NBAS: variants seen among roughly 807,000 people sequenced by gnomAD.
NBAS encodes NBAS subunit of NRZ tethering complex.
Under a neutral mutation model 302.5 loss-of-function variants are expected in NBAS, and 219 were observed. The ratio of observed to expected loss-of-function variants is 0.72; its 90% CI spans 0.65 to 0.81. NBAS has a LOEUF of 0.81. Among genes scored for constraint, NBAS ranks in the 30% least tolerant of loss-of-function variants. The pLI is 0.00. For synonymous variants in NBAS, 1,118 were observed against 1,021.6 expected, an observed-to-expected ratio of 1.09 and a Z score of -1.80; for missense variants, 2,932 against 2,841.6, an observed-to-expected ratio of 1.03 and a Z score of -0.72.
chr2:14,969,530 C>T, the NBAS span, among the ~76,000 whole-genome samples: 3 of 151,554 alleles, frequency 2.0e-5, no homozygotes. Context: ...GCACACACCA[C>T]CATACGCGGC....
In NBAS at chr2:15,366,630, T is replaced by C. The variant is rs569981088; in HGVS notation, c.3767A>G (p.Tyr1256Cys). The change falls in exon 32 of 52, where the codon TAT (tyrosine) becomes TGT (cysteine). Residue 1256 changes from tyrosine to cysteine, a missense_variant. Physicochemically the swap from Tyr to Cys is radical, Grantham distance 194. Transcript: ENST00000281513. ...GCCCAGAAGCTTGGTGGATTGTTTA[T>C]AGCATGTGGGGGACTGGGAAATACA... ...KECISQSPTCYKQSTKLLGLA... is the reference protein window; with the variant it reads ...KECISQSPTCCKQSTKLLGLA... 1.4e-5 allele frequency: 23 copies of C among 1,614,104 alleles called. No homozygotes were observed. Among genetic ancestry groups the C allele is most frequent in the East Asian group, 2.2e-5 (1 of 44,860 alleles).
intron 35 of NBAS, among the ~76,000 whole-genome samples, chr2:15,349,796 ATAAAT>A (rs1345939310): frequency 1.3e-5 from 2 of 152,334 alleles, no homozygotes; most frequent in Non-Finnish European, 2.9e-5. Flanking sequence ...TCAAAAATAA[ATAAAT>A]TAATTAAATA....
chr2:15,352,836 A>AG (rs1199971775), intron 34 of NBAS, among the ~76,000 whole-genome samples: 2 of 152,108 alleles, frequency 1.3e-5, no homozygotes, highest in African/African-American at 2.4e-5. Flanking sequence ...CACCAGTTTC[A>AG]GGGGTTTTTT....
Position 15,545,877 on chromosome 2 carries a change from TA to T in NBAS, c.379+5615del, listed in dbSNP as rs563362459. 1.8e-4 allele frequency among the ~76,000 whole-genome samples: 27 copies of T among 152,344 alleles called. No homozygotes were observed. The South Asian group carries it at 5.6e-3, about 32-fold the overall frequency. ...ATATCCTTCATGAACGCAGATGCAA[TA>T]ATCTGCTATGTTTTACACAATTATC... On this transcript the variant is annotated intron_variant, in intron 6 of 51. Transcript: ENST00000281513.
the NBAS span, among the ~76,000 whole-genome samples, chr2:14,841,016 C>A: frequency 2.6e-5 from 4 of 151,782 alleles, no homozygotes. Flanking sequence ...TAAATCAAGA[C>A]AACAAAAAGT....
At chr2:15,493,395 C>T (rs774406777) in intron 11 of NBAS, among the ~76,000 whole-genome samples, 2 of 152,174 alleles carry the variant, frequency 1.3e-5, no homozygotes, top group Admixed American at 1.3e-4. Flanking sequence ...CGGCCAGGTG[C>T]AGTGGCTCAT....
At chr2:15,528,883 A>ATATATATATGTGTG (rs1558414746) in intron 9 of NBAS, among the ~76,000 whole-genome samples, 8 of 31,824 alleles carry the variant, frequency 2.5e-4, no homozygotes, top group African/African-American at 5.4e-4. Context: ...AAAAAAATAT[A>ATATATATATGTGTG]TATATATATA....
In NBAS at chr2:15,353,690, C is replaced by T; in HGVS notation, c.3952G>A (p.Val1318Ile). The T allele has an allele frequency of 6.2e-7, 1 of 1,614,058 alleles. No homozygotes were observed. The highest frequency in any genetic ancestry group is 1.1e-5 in the South Asian group (1 of 91,080). ...MATGYPKSWD[V>I]CSQLGQSEGY... is the part of the protein sequence containing the mutation. Reference sequence around the variant, plus strand: ...TCTGATTGTCCTAACTGGCTACAAACATCCCAACTTTTAGGATAACCTGCA... The same window carrying T: ...TCTGATTGTCCTAACTGGCTACAAATATCCCAACTTTTAGGATAACCTGCA... The change falls in exon 34 of 52, where the codon GTT becomes ATT. Residue 1318 changes from valine to isoleucine, a missense_variant. Physicochemically the swap from Val to Ile is conservative, Grantham distance 29 (BLOSUM62 3). Coordinates refer to ENST00000281513, the MANE Select transcript of NBAS (RefSeq NM_015909.4).
chr2:15,499,725 C>T (rs1681212041), intron 11 of NBAS, among the ~76,000 whole-genome samples: 1 of 152,054 alleles, frequency 6.6e-6, no homozygotes. Flanking sequence ...ACAAGTTTAC[C>T]TATATAACAA....
At chr2:14,995,803 C>T in the NBAS span, among the ~76,000 whole-genome samples, 1 of 152,096 alleles carries the variant, frequency 6.6e-6, no homozygotes, top group Non-Finnish European at 1.5e-5. Context: ...CTCATGGTAA[C>T]CTTGAACTCC....
the NBAS span, among the ~76,000 whole-genome samples, chr2:14,974,984 A>G: frequency 6.6e-6 from 1 of 152,198 alleles, no homozygotes; most frequent in Non-Finnish European, 1.5e-5. Context: ...GGCTTCGAAG[A>G]TGGAGGGGAC....
intron 24 of NBAS, among the ~76,000 whole-genome samples, chr2:15,417,089 T>C (rs1219426489): frequency 6.6e-6 from 1 of 152,150 alleles, no homozygotes; most frequent in Non-Finnish European, 1.5e-5. Context: ...GATCTAAGAA[T>C]TACTGGGAAA....
chr2:14,813,856 C>A, the NBAS span, among the ~76,000 whole-genome samples: 1 of 152,130 alleles, frequency 6.6e-6, no homozygotes, highest in Non-Finnish European at 1.5e-5. Context: ...TCTTGGCAGC[C>A]CCTCGCATCA....
the NBAS span, among the ~76,000 whole-genome samples, chr2:14,841,870 C>T: frequency 6.6e-6 from 1 of 151,956 alleles, no homozygotes; most frequent in African/African-American, 2.4e-5. Flanking sequence ...ACATTTCACC[C>T]AACTGTTGCA....
At chr2:15,061,154 G>A in the NBAS span, among the ~76,000 whole-genome samples, 15 of 152,304 alleles carry the variant, frequency 9.8e-5, no homozygotes, top group East Asian at 2.1e-3. Context: ...CAAGACTCAC[G>A]CTCTTGGTAT....
At chr2:15,290,107 GA>G (rs1238562188) in intron 41 of NBAS, among the ~76,000 whole-genome samples, 1 of 151,048 alleles carries the variant, frequency 6.6e-6, no homozygotes, top group Non-Finnish European at 1.5e-5. Context: ...GGAGAGAGGA[GA>G]GGGGAGAGGG....
At chr2:15,116,505 G>A in the NBAS span, among the ~76,000 whole-genome samples, 14 of 151,896 alleles carry the variant, frequency 9.2e-5, no homozygotes, top group Non-Finnish European at 2.1e-4. Flanking sequence ...TCCCCCTTAT[G>A]ACCTTATTTG....
the NBAS span, among the ~76,000 whole-genome samples, chr2:14,871,863 G>C: frequency 6.6e-6 from 1 of 152,012 alleles, no homozygotes; most frequent in Non-Finnish European, 1.5e-5. Flanking sequence ...AAACTAAATA[G>C]AATGGTAGAT....
intron 47 of NBAS, among the ~76,000 whole-genome samples, chr2:15,220,408 T>C (rs1572473240): frequency 6.6e-6 from 1 of 152,330 alleles, no homozygotes; most frequent in South Asian, 2.1e-4. Flanking sequence ...AAATGAATAA[T>C]AGTGCTGTAG....
Sources: gnomAD v4.1 joint callset for allele counts (sites outside exome capture counted in the v4.1 genomes callset) on GRCh38, gnomAD v4.1.1 for gene constraint, MANE v1.5 for transcripts, NCBI Gene and HGNC (gene_info 2026-07-23, HGNC 2026-07-21) for gene names.